ZNF177: variants seen among roughly 807,000 people sequenced by gnomAD.
ZNF177 encodes zinc finger protein 177.
Under a neutral mutation model 19.4 loss-of-function variants are expected in ZNF177, and 17 were observed. That is an observed-to-expected ratio of 0.87 (90% CI 0.60 to 1.31). The LOEUF (loss-of-function observed/expected upper bound fraction) is 1.31. Among genes scored for constraint, ZNF177 ranks in the 40% most tolerant of loss-of-function variants. The probability of loss-of-function intolerance (pLI) is 0.00; values close to 1 mark genes in which losing one functional copy is unlikely to be tolerated. For missense variants in ZNF177, 633 were observed against 561.8 expected, an observed-to-expected ratio of 1.13 and a Z score of -1.28; for synonymous variants, 220 against 188.7, an observed-to-expected ratio of 1.17 and a Z score of -1.36.
rs74735234 is a variant in ZNF177, at chr19:9,380,279, A to G, written c.336+140A>G. ...AGAAAGCTGTCTCGGGAGAGTTTGG[A>G]GTTTGATTTTCATGAAATTGGAGAA... On this transcript the variant is annotated intron_variant, in intron 5 of 5. Transcript: ENST00000589262. 4.6e-3 allele frequency: 5,171 copies of G among 1,122,308 alleles called. 169 individuals are homozygous for G. The African/African-American group carries it at 0.074, about 16-fold the overall frequency. 69.5% of individuals were successfully genotyped at this position (1,122,308 alleles called of 1,614,324 possible).
At chr19:9,368,567 C>A (rs1331294549) in intron 2 of ZNF177, among the ~76,000 whole-genome samples, 1 of 152,080 alleles carries the variant, frequency 6.6e-6, no homozygotes, top group Admixed American at 6.5e-5. Flanking sequence ...ATCGTATTTT[C>A]TGCTCTTCCC....
exon 6 of ZNF177, chr19:9,381,003 A>G (rs761839768): frequency 3.2e-6 from 5 of 1,575,404 alleles, no homozygotes; most frequent in Non-Finnish European, 4.3e-6. Flanking sequence ...TACGTGAGCA[A>G]ATACCTACTG....
At chr19:9,381,661 A>C in exon 6 of ZNF177, 5 of 1,614,130 alleles carry the variant, frequency 3.1e-6, no homozygotes, top group Non-Finnish European at 4.2e-6. Flanking sequence ...GGTACACGTG[A>C]GAACTCACAC....
exon 3 of ZNF177, chr19:9,379,061 G>A (rs369995163): frequency 6.1e-5 from 98 of 1,608,800 alleles, no homozygotes; most frequent in Non-Finnish European, 7.9e-5. Context: ...TGTGATGCTG[G>A]AGAACTTTAG....
At chr19:9,369,547 C>G (rs1240033231) in intron 2 of ZNF177, among the ~76,000 whole-genome samples, 1 of 152,090 alleles carries the variant, frequency 6.6e-6, no homozygotes, top group Non-Finnish European at 1.5e-5. Context: ...TCTACCAGGA[C>G]AGTCTGTTTT....
chr19:9,375,646 A>G (rs1318699319), upstream of ZNF177, among the ~76,000 whole-genome samples: 1 of 151,970 alleles, frequency 6.6e-6, no homozygotes, highest in South Asian at 2.1e-4. Flanking sequence ...ATGATCCTTT[A>G]TATTTCTGTG....
chr19:9,366,784 G>A (rs2067986224), intron 2 of ZNF177, among the ~76,000 whole-genome samples: 1 of 152,072 alleles, frequency 6.6e-6, no homozygotes, highest in Non-Finnish European at 1.5e-5. Context: ...TGCCAACGTG[G>A]CAGCACCACT....
At chr19:9,372,197 C>CT (rs2068054947), upstream of ZNF177, among the ~76,000 whole-genome samples, 1 of 152,126 alleles carries the variant, frequency 6.6e-6, no homozygotes. Flanking sequence ...GACAATGCCA[C>CT]TTAGGACCCT....
rs113169879 is a variant in ZNF177 at position 9,379,831 on chromosome 19, A to G, written c.253+212A>G. ...AATGTCTCCATGAATGCTTTTTGCC[A>G]GATAATACTGTCTTATTTCCCAACC... is the stretch of plus-strand genomic sequence containing the variant. On this transcript the variant is annotated intron_variant, in intron 4 of 5. Coordinates refer to ENST00000589262, the Ensembl canonical transcript of ZNF177. The G allele has an allele frequency of 1.1e-3, 18 of 16,256 alleles. 1 individual carries two copies. Among genetic ancestry groups the G allele is most frequent in the Non-Finnish European group, 1.9e-3 (18 of 9,258 alleles). 1.0% of individuals were successfully genotyped at this position (16,256 alleles called of 1,614,324 possible). A position where few individuals can be genotyped will look rare whatever the true frequency, so the allele number is the denominator to read the frequency against.
At chr19:9,381,682 C>T in exon 6 of ZNF177, 1 of 1,614,072 alleles carries the variant, frequency 6.2e-7, no homozygotes, top group East Asian at 2.2e-5. Flanking sequence ...TGGAGAGAAG[C>T]CTTATAAATG....
intron 1 of ZNF177, among the ~76,000 whole-genome samples, chr19:9,364,540 C>T (rs2067951332): frequency 6.6e-6 from 1 of 152,096 alleles, no homozygotes; most frequent in South Asian, 2.1e-4. Flanking sequence ...CTCTTCAGTC[C>T]TATTTGCAAA....
Position 9,380,890 on chromosome 19 carries a change from C to T in ZNF177, c.559C>T (p.Gln187Ter), listed in dbSNP as rs148521962. 18 of 1,535,992 alleles carry T rather than the reference C, an allele frequency of 1.2e-5. No individual in the cohort carries two copies. The Admixed American group carries it at 2.5e-4, about 22-fold the overall frequency. The change falls in exon 6 of 6, where the codon CAA (glutamine) becomes TAA (stop). Residue 187 changes from glutamine (Q) to a stop codon, truncating the protein, a stop_gained. Transcript: ENST00000589262. LOFTEE classifies it low-confidence loss of function (END_TRUNC). ...TACTGATTGTAGAAAAGCTTTCAAT[C>T]AAGAGTCATCCCTCAGGAAACACTT...
chr19:9,369,597 T>C (rs1599385062), intron 2 of ZNF177, among the ~76,000 whole-genome samples: 1 of 152,306 alleles, frequency 6.6e-6, no homozygotes, highest in Non-Finnish European at 1.5e-5. Flanking sequence ...CTTACTGTTA[T>C]TGATACAGTC....
intron 2 of ZNF177, among the ~76,000 whole-genome samples, chr19:9,367,439 A>G (rs2067995463): frequency 3.3e-5 from 5 of 152,246 alleles, no homozygotes; most frequent in Admixed American, 3.3e-4. Context: ...TGAGTTGATC[A>G]TACAATTTTT....
intron 2 of ZNF177, among the ~76,000 whole-genome samples, chr19:9,366,194 A>G (rs1233797383): frequency 6.6e-6 from 1 of 152,010 alleles, no homozygotes; most frequent in Non-Finnish European, 1.5e-5. Context: ...TGTTGGCCAG[A>G]GTGGTCTGGA....
chr19:9,380,681 C>G lies in ZNF177; in HGVS notation c.350C>G (p.Pro117Arg), dbSNP rs776720244. The stretch of plus-strand genomic sequence containing the variant: ...CCTTTTCAACAGGCAGAAAATCAAC[C>G]TGGTGAGCACTCCCTGGAGTGTAAC... Residue 117 changes from proline to arginine, a missense_variant, in exon 6 of 6, where the codon CCT becomes CGT. Physicochemically the swap from Pro to Arg is moderately radical, Grantham distance 103. Transcript: ENST00000589262. 4.6e-6 allele frequency: 7 copies of G among 1,535,606 alleles called. No individual in the cohort carries two copies. In the South Asian group the frequency reaches 8.3e-5, roughly 18 times the overall value.
chr19:9,380,702 G>A (rs571082087), exon 6 of ZNF177: 19 of 1,535,742 alleles, frequency 1.2e-5, no homozygotes, highest in Admixed American at 2.0e-5. Context: ...TCCCTGGAGT[G>A]TAACCATTGT....
In ZNF177 at chr19:9,380,595, C is replaced by T. The variant is rs532098251; in HGVS notation, c.337-73C>T. ...TGCTTCCTATATATGGCAGAATCCT[C>T]ATGGAAGAGAATTCCTGTGAATAAG... On this transcript the variant is annotated intron_variant, in intron 5 of 5. Coordinates refer to ENST00000589262, the Ensembl canonical transcript of ZNF177. 31 of 1,535,774 alleles carry T rather than the reference C, an allele frequency of 2.0e-5. No homozygotes were observed. The African/African-American group carries it at 4.1e-4, about 20-fold the overall frequency.
At chr19:9,379,471 G>A (rs895082843) in intron 3 of ZNF177, 56 bp from the exon 6 acceptor site, 17 of 1,571,604 alleles carry the variant, frequency 1.1e-5, no homozygotes, top group Middle Eastern at 1.7e-4. Flanking sequence ...AATCAGTTTT[G>A]TGGAATATTT....
Sources: allele counts gnomAD v4.1 joint callset (sites outside exome capture counted in the v4.1 genomes callset), GRCh38; gene constraint gnomAD v4.1.1; transcripts MANE v1.5; gene names NCBI Gene and HGNC (gene_info 2026-07-23, HGNC 2026-07-21).